The following KCNH3 variants were observed in gnomAD, a reference collection of about 807,000 sequenced individuals.
KCNH3 encodes the protein voltage-gated inwardly rectifying potassium channel KCNH3.
A neutral mutation model predicts 95.6 loss-of-function variants in KCNH3; 36 were observed. The ratio of observed to expected loss-of-function variants is 0.38; its 90% confidence interval spans 0.29 to 0.50. The LOEUF is 0.50. Ranked by LOEUF, KCNH3 falls within the 20% of genes least tolerant of loss-of-function variation. KCNH3 has a pLI of 0.95. For missense variants in KCNH3, 1,030 were observed against 1,484.1 expected, an observed-to-expected ratio of 0.69 and a Z score of 5.03; for synonymous variants, 620 against 646.3, an observed-to-expected ratio of 0.96 and a Z score of 0.62.
rs751284625 is a variant in KCNH3, at chr12:49,541,104, G to A, written c.282G>A (p.Lys94=). The A allele has an allele frequency of 1.4e-5, 22 of 1,608,098 alleles. No individual in the cohort carries two copies. The highest frequency in any genetic ancestry group is 1.8e-5 in the Non-Finnish European group (21 of 1,179,986). Residue 94 remains lysine, a synonymous_variant, in exon 2 of 15, where the codon AAG becomes AAA. Coordinates refer to ENST00000257981, the MANE Select transcript of KCNH3 (RefSeq NM_012284.3). The part of the protein sequence containing the change: ...RKALDEHKEF[K]AELILYRKSG... ...CCCTGGACGAGCACAAGGAGTTCAA[G>A]GCTGAGCTGATCCTGTACCGGAAGA... is the stretch of plus-strand genomic sequence containing the variant.
intron 7 of KCNH3, among the ~76,000 whole-genome samples, chr12:49,545,542 G>A (rs773340377): frequency 6.6e-6 from 1 of 151,514 alleles, no homozygotes. Flanking sequence ...ACAGGCATCC[G>A]CCAGCACGCC....
At chr12:49,554,636 G>A (rs1565781821) in intron 11 of KCNH3, 82 bp downstream of exon 11, 3 of 1,254,882 alleles carry the variant, frequency 2.4e-6, no homozygotes, top group Non-Finnish European at 3.4e-6. Context: ...GGATGGTGGA[G>A]AGCTGTGTGT....
intron 3 of KCNH3, 44 bp downstream of exon 3, chr12:49,541,808 G>A (rs1035516628): frequency 1.2e-6 from 2 of 1,606,136 alleles, no homozygotes; most frequent in African/African-American, 2.7e-5. Context: ...GGGTGCCGCA[G>A]GCCCGGGCGG....
chr12:49,543,157 A>G lies in KCNH3; in HGVS notation c.580-118A>G, dbSNP rs141781162. 4.9e-5 allele frequency: 55 copies of G among 1,116,620 alleles called. 1 individual carries two copies. The Middle Eastern group carries it at 1.0e-3, about 20-fold the overall frequency. The allele number at this position is 1,116,620 out of a possible 1,614,324, so 69.2% of individuals were successfully genotyped here. A position where few individuals can be genotyped will look rare whatever the true frequency, so the allele number is the denominator to read the frequency against. On this transcript the variant is annotated intron_variant, in intron 4 of 14. Coordinates refer to ENST00000257981, the MANE Select transcript of KCNH3 (RefSeq NM_012284.3). ...AGATGCTAATGCCATCTCGAAGCAG[A>G]TGCTGCTTCGATAATGCAGGGATAG...
intron 6 of KCNH3, 30 bp from the exon 7 acceptor site, chr12:49,544,145 T>TACC: frequency 9.8e-6 from 8 of 818,288 alleles, no homozygotes; most frequent in Middle Eastern, 2.7e-4. Context: ...CTGACCTCCC[T>TACC]CCCTCCCTCC....
intron 3 of KCNH3, 61 bp from the exon 4 acceptor site, chr12:49,542,645 C>T: frequency 6.6e-7 from 1 of 1,507,474 alleles, no homozygotes; most frequent in South Asian, 1.3e-5. Flanking sequence ...CTACACCTGA[C>T]CCGGAGCTAG....
Position 49,557,625 on chromosome 12 carries a change from G to C in KCNH3, c.2924G>C (p.Trp975Ser), listed in dbSNP as rs747311449. 2 of 1,613,414 alleles carry C rather than the reference G, an allele frequency of 1.2e-6. No homozygotes were observed. The highest frequency in any genetic ancestry group is 1.7e-6 in the Non-Finnish European group (2 of 1,179,904). Residue 975 changes from tryptophan (W) to serine (S), a missense_variant, in exon 15 of 15, where the codon TGG (tryptophan) becomes TCG (serine). By Grantham distance (177) the Trp-to-Ser change is radical. Coordinates refer to ENST00000257981, the MANE Select transcript of KCNH3 (RefSeq NM_012284.3). Reference protein sequence around the residue: ...RPGPPPLMAPWPWGPPASQSS... With the variant: ...RPGPPPLMAPSPWGPPASQSS... ...GGGCCTCCTCCCCTCATGGCACCCT[G>C]GCCCTGGGGTCCCCCAGCGTCTCAG...
rs1415493055 is a variant in KCNH3, at chr12:49,554,512, G to A, written c.2094G>A (p.Gly698=). 2 of 1,613,628 alleles carry A rather than the reference G, an allele frequency of 1.2e-6. No individual in the cohort carries two copies. The highest frequency in any genetic ancestry group is 2.2e-5 in the East Asian group (1 of 44,884). ...FAPRFSRGLR[G]ELSYNLGAGG... ...CGCGCTTCAGTCGTGGCCTCCGAGG[G>A]GAGCTCAGCTACAACCTGGGTGCTG... Residue 698 remains glycine (G), a synonymous_variant, in exon 11 of 15, where the codon GGG becomes GGA. Coordinates refer to ENST00000257981, the MANE Select transcript of KCNH3 (RefSeq NM_012284.3).
chr12:49,551,226 T>G (rs1025840799), intron 10 of KCNH3, among the ~76,000 whole-genome samples: 2 of 152,162 alleles, frequency 1.3e-5, no homozygotes, highest in African/African-American at 4.8e-5. Context: ...CTCTAGGATT[T>G]GGAGAGTTGG....
At chr12:49,548,840 G>C in intron 7 of KCNH3, 55 bp from the exon 8 acceptor site, 1 of 1,485,898 alleles carries the variant, frequency 6.7e-7, no homozygotes, top group Non-Finnish European at 9.0e-7. Context: ...CCCAGGGCCC[G>C]GCATCCTCGC....
At chr12:49,551,402 C>T (rs1198711849) in intron 10 of KCNH3, among the ~76,000 whole-genome samples, 1 of 151,968 alleles carries the variant, frequency 6.6e-6, no homozygotes, top group African/African-American at 2.4e-5. Flanking sequence ...GTGGTGAAAT[C>T]CTGTATCTAC....
intron 1 of KCNH3, 82 bp from the exon 2 acceptor site, chr12:49,540,817 G>T: frequency 1.7e-6 from 2 of 1,157,578 alleles, no homozygotes; most frequent in African/African-American, 1.5e-5. Context: ...CCACTCTTTG[G>T]TTGCAGGCAT....
intron 11 of KCNH3, among the ~76,000 whole-genome samples, 188 bp from the exon 12 acceptor site, chr12:49,555,429 AGAG>A (rs1938403270): frequency 6.7e-6 from 1 of 150,132 alleles, no homozygotes; most frequent in Admixed American, 6.6e-5. Flanking sequence ...CCTGGGCGAC[AGAG>A]TAAGACTCTG....
At chr12:49,551,023 C>A (rs1360778776) in intron 10 of KCNH3, among the ~76,000 whole-genome samples, 1 of 152,154 alleles carries the variant, frequency 6.6e-6, no homozygotes, top group Non-Finnish European at 1.5e-5. Context: ...CTCACAAAAC[C>A]CATTATTCCT....
rs1191318397 is a variant in KCNH3 at position 49,557,343 on chromosome 12, C to CT, written c.2653-10dup. The CT allele has an allele frequency of 6.2e-7, 1 of 1,609,892 alleles. No homozygotes were observed. The highest frequency in any genetic ancestry group is 8.5e-7 in the Non-Finnish European group (1 of 1,177,078). ...ACTCCATTCTGACCTCGCCTCCTCC[C>CT]TCCCCCAAAGGTGACAGAGCTGTCA... On this transcript the variant is annotated splice_polypyrimidine_tract_variant and intron_variant, in intron 14 of 14. Coordinates refer to ENST00000257981, the MANE Select transcript of KCNH3 (RefSeq NM_012284.3).
chr12:49,556,682 G>A (rs1210939352), intron 13 of KCNH3: 1 of 699,056 alleles, frequency 1.4e-6, no homozygotes, highest in Middle Eastern at 2.3e-4. Context: ...GCCAGGAACT[G>A]GGTTTATATC....
At chr12:49,549,861 G>A (rs1024342689) in intron 9 of KCNH3, among the ~76,000 whole-genome samples, 19 of 152,214 alleles carry the variant, frequency 1.2e-4, no homozygotes, top group Non-Finnish European at 2.6e-4. Context: ...ACTGAGGTGG[G>A]AAGCTGGGCT....
At chr12:49,541,950 T>G (rs1005779289) in intron 3 of KCNH3, among the ~76,000 whole-genome samples, 186 bp downstream of exon 3, 2 of 152,202 alleles carry the variant, frequency 1.3e-5, no homozygotes, top group Admixed American at 6.5e-5. Flanking sequence ...TTTTTCCAAA[T>G]AGACAGATTG....
At chr12:49,553,966 G>A (rs1323890012) in intron 10 of KCNH3, among the ~76,000 whole-genome samples, 3 of 152,216 alleles carry the variant, frequency 2.0e-5, no homozygotes, top group Admixed American at 6.5e-5. Flanking sequence ...TAGAGATAGG[G>A]CCTGGGTGTT....
Sources: allele counts gnomAD v4.1 joint callset (sites outside exome capture counted in the v4.1 genomes callset), GRCh38; gene constraint gnomAD v4.1.1; transcripts MANE v1.5; gene names NCBI Gene and HGNC (gene_info 2026-07-23, HGNC 2026-07-21).